MACROD2: variants seen among roughly 807,000 people sequenced by gnomAD.
MACROD2 encodes the protein mono-ADP ribosylhydrolase 2.
Under a neutral mutation model 70.4 loss-of-function variants are expected in MACROD2, and 36 were observed. The ratio of observed to expected loss-of-function variants is 0.51; its 90% CI spans 0.39 to 0.68. The LOEUF (loss-of-function observed/expected upper bound fraction) is 0.68, where lower values mean the gene tolerates loss of function less well. Ranked by LOEUF, MACROD2 falls within the 30% of genes least tolerant of loss-of-function variation. The pLI is 0.00. For missense variants in MACROD2, 496 were observed against 538.4 expected, an observed-to-expected ratio of 0.92 and a Z score of 0.78; for synonymous variants, 172 against 178.8, an observed-to-expected ratio of 0.96 and a Z score of 0.30.
chr20:15,113,763 AGTGTGT>A (rs71340210), intron 5 of MACROD2, among the ~76,000 whole-genome samples: 179 of 144,226 alleles, frequency 1.2e-3, no homozygotes, highest in African/African-American at 2.1e-3. Flanking sequence ...GTAGTCTTGA[AGTGTGT>A]GTGTGTGTGT....
At chr20:14,531,646 T>C (rs933667576) in intron 4 of MACROD2, among the ~76,000 whole-genome samples, 4 of 152,196 alleles carry the variant, frequency 2.6e-5, no homozygotes, top group Admixed American at 1.3e-4. Context: ...GTAGTAATGA[T>C]AATGGAGGTA....
At chr20:14,555,338 A>C (rs906921999) in intron 4 of MACROD2, among the ~76,000 whole-genome samples, 14 of 152,118 alleles carry the variant, frequency 9.2e-5, no homozygotes, top group African/African-American at 3.4e-4. Context: ...ATTCTAGTAG[A>C]ATTTGGGAGA....
chr20:15,332,452 G>A lies in MACROD2; in HGVS notation c.541-98953G>A, dbSNP rs185939433. On this transcript the variant is annotated intron_variant, in intron 6 of 17. Transcript: ENST00000684519. ...ATCTAAATTTGGGCCTCACAGGCCA[G>A]CATTACAATTATAATATATGTGATG... Among the ~76,000 whole-genome samples, 359 of 151,666 alleles carry A rather than the reference G, an allele frequency of 2.4e-3. 4 individuals carry two copies. Among genetic ancestry groups the A allele is most frequent in the South Asian group, 0.02 (94 of 4,814 alleles).
At chr20:16,020,422 G>T (rs543200194) in intron 15 of MACROD2, among the ~76,000 whole-genome samples, 2 of 151,812 alleles carry the variant, frequency 1.3e-5, no homozygotes, top group South Asian at 4.2e-4. Context: ...CCCAAGACAG[G>T]GTTAGATGGT....
At chr20:14,372,835 T>C (rs1016500617) in intron 3 of MACROD2, among the ~76,000 whole-genome samples, 2 of 152,188 alleles carry the variant, frequency 1.3e-5, no homozygotes, top group African/African-American at 2.4e-5. Flanking sequence ...AAAGATGTGA[T>C]CAAAAGATTT....
intron 4 of MACROD2, among the ~76,000 whole-genome samples, chr20:14,575,017 CAA>C (rs1195216470): frequency 4.0e-5 from 2 of 49,954 alleles, no homozygotes; most frequent in African/African-American, 7.3e-5. Flanking sequence ...GACTCTGTCT[CAA>C]AAAAAAAAAA....
In MACROD2 at chr20:15,394,703, C is replaced by G. The variant is rs185682941; in HGVS notation, c.541-36702C>G. On this transcript the variant is annotated intron_variant, in intron 6 of 17. Transcript: ENST00000684519. Reference sequence around the variant, plus strand: ...AAACTCTCATTCACAGAGCATTACACAAGTGTATTCCACCCTGGTACTTTG... The same window carrying G: ...AAACTCTCATTCACAGAGCATTACAGAAGTGTATTCCACCCTGGTACTTTG... Among the ~76,000 whole-genome samples the G allele has an allele frequency of 8.1e-4, 124 of 152,322 alleles. 1 individual carries two copies. Among genetic ancestry groups the G allele is most frequent in the Non-Finnish European group, 1.5e-3 (101 of 68,038 alleles).
At chr20:14,927,342 GC>G (rs2122660462) in intron 5 of MACROD2, among the ~76,000 whole-genome samples, 1 of 152,272 alleles carries the variant, frequency 6.6e-6, no homozygotes, top group Non-Finnish European at 1.5e-5. Flanking sequence ...GAACAATGCA[GC>G]CAGGGATGAC....
At chr20:14,365,840 C>T (rs148967121) in intron 3 of MACROD2, among the ~76,000 whole-genome samples, 2 of 151,954 alleles carry the variant, frequency 1.3e-5, no homozygotes, top group East Asian at 3.9e-4. Context: ...TTCTAATTTC[C>T]CTTGTGATTT....
At chr20:14,319,456 T>C (rs1334384190) in intron 3 of MACROD2, among the ~76,000 whole-genome samples, 1 of 152,152 alleles carries the variant, frequency 6.6e-6, no homozygotes, top group African/African-American at 2.4e-5. Context: ...TGGTGTTCAC[T>C]TCCTTTTTTT....
At chr20:16,022,905 G>C (rs1213751803) in intron 15 of MACROD2, among the ~76,000 whole-genome samples, 2 of 152,178 alleles carry the variant, frequency 1.3e-5, no homozygotes, top group Non-Finnish European at 2.9e-5. Flanking sequence ...TGCTTAACTG[G>C]ATCATGCTGG....
At chr20:14,161,687 C>T (rs1461128798) in intron 3 of MACROD2, among the ~76,000 whole-genome samples, 1 of 152,006 alleles carries the variant, frequency 6.6e-6, no homozygotes, top group Non-Finnish European at 1.5e-5. Context: ...AGCGATTCTC[C>T]TGCCTCAGCC....
At chr20:15,787,847 C>G (rs764723058) in intron 8 of MACROD2, among the ~76,000 whole-genome samples, 1 of 152,078 alleles carries the variant, frequency 6.6e-6, no homozygotes, top group East Asian at 1.9e-4. Context: ...TGTGAATAAG[C>G]CTACTGCTGT....
chr20:15,402,693 AG>A (rs1309115115), intron 6 of MACROD2, among the ~76,000 whole-genome samples: 1 of 152,214 alleles, frequency 6.6e-6, no homozygotes, highest in Non-Finnish European at 1.5e-5. Context: ...CAAAGAATAA[AG>A]AAGTGCAAAA....
At chr20:14,635,790 A>C (rs981109036) in intron 4 of MACROD2, among the ~76,000 whole-genome samples, 1 of 152,234 alleles carries the variant, frequency 6.6e-6, no homozygotes, top group African/African-American at 2.4e-5. Flanking sequence ...GGGTACAAGC[A>C]TCCTTTGAAA....
chr20:14,073,417 T>TAAA, intron 2 of MACROD2, among the ~76,000 whole-genome samples: 1 of 152,198 alleles, frequency 6.6e-6, no homozygotes, highest in Middle Eastern at 3.4e-3. Context: ...AAAGGAGAAT[T>TAAA]TAAAGAACCA....
chr20:15,981,907 A>G (rs563817260), intron 13 of MACROD2, among the ~76,000 whole-genome samples: 2 of 152,154 alleles, frequency 1.3e-5, no homozygotes, highest in African/African-American at 4.8e-5. Context: ...TCTTCTGTTC[A>G]AGTAGCCTAA....
At chr20:15,051,870 G>A (rs996521754) in intron 5 of MACROD2, among the ~76,000 whole-genome samples, 1 of 151,438 alleles carries the variant, frequency 6.6e-6, no homozygotes, top group Admixed American at 6.6e-5. Flanking sequence ...TCCTGCCTCA[G>A]CCTGTCGAGT....
chr20:14,599,674 T>C (rs1437183434), intron 4 of MACROD2, among the ~76,000 whole-genome samples: 1 of 152,086 alleles, frequency 6.6e-6, no homozygotes, highest in African/African-American at 2.4e-5. Context: ...AGCACAGCCA[T>C]GTGCTGTGTG....
Sources: allele counts gnomAD v4.1 joint callset (sites outside exome capture counted in the v4.1 genomes callset), GRCh38; gene constraint gnomAD v4.1.1; transcripts MANE v1.5; gene names NCBI Gene and HGNC (gene_info 2026-07-23, HGNC 2026-07-21).